SETBP1: variants seen among roughly 807,000 people sequenced by gnomAD.
SETBP1 encodes the protein SET-binding protein.
Under a neutral mutation model 101.0 loss-of-function variants are expected in SETBP1, and 9 were observed. The observed-to-expected ratio is 0.09, with a 90% confidence interval of 0.05 to 0.16. The LOEUF is 0.16. Among genes scored for constraint, SETBP1 ranks in the 10% least tolerant of loss-of-function variants. SETBP1 has a pLI of 1.00. For missense variants in SETBP1, 1,858 were observed against 2,033.8 expected (o/e 0.91, Z 1.66); for synonymous variants, 818 against 788.5 (o/e 1.04, Z -0.63).
intron 2 of SETBP1, among the ~76,000 whole-genome samples, chr18:44,748,946 T>C (rs2070323474): frequency 6.6e-6 from 1 of 152,216 alleles, no homozygotes; most frequent in African/African-American, 2.4e-5. Flanking sequence ...CAGAACACTC[T>C]GCTGGCTGTC....
intron 2 of SETBP1, among the ~76,000 whole-genome samples, chr18:44,710,623 T>C (rs912817508): frequency 6.6e-6 from 1 of 152,120 alleles, no homozygotes; most frequent in Non-Finnish European, 1.5e-5. Context: ...GGCTAACTTT[T>C]GTATTTTTAG....
At chr18:44,949,748 C>G (rs1412442226) in intron 3 of SETBP1, 133 bp from the exon 4 acceptor site, 2 of 734,458 alleles carry the variant, frequency 2.7e-6, no homozygotes, top group Non-Finnish European at 4.7e-6. Flanking sequence ...TTAAAGGTGG[C>G]TGTTCATTTC....
intron 5 of SETBP1, among the ~76,000 whole-genome samples, chr18:45,042,100 A>ATATG: frequency 6.6e-6 from 1 of 152,212 alleles, no homozygotes; most frequent in Admixed American, 6.5e-5. Flanking sequence ...ACAGCATTAA[A>ATATG]TATGGTGAGA....
chr18:44,994,314 A>G (rs2072445533), intron 4 of SETBP1, among the ~76,000 whole-genome samples: 1 of 152,224 alleles, frequency 6.6e-6, no homozygotes, highest in Admixed American at 6.5e-5. Flanking sequence ...CAGGAAAATT[A>G]CAATCAGGAA....
Position 45,038,522 on chromosome 18 carries a change from A to G in SETBP1, c.4038A>G (p.Ala1346=). ...CCCACTTAAAAGTGGACCAGACAGC[A>G]GTGCATAGTAAGAACGAAGGCTCAG... The part of the protein sequence containing the change: ...PSPHLKVDQT[A]VHSKNEGSVP... Residue 1346 remains alanine (A), a synonymous_variant, in exon 5 of 6, where the codon GCA becomes GCG. Transcript: ENST00000649279. 1 of 1,614,184 alleles carries G rather than the reference A, an allele frequency of 6.2e-7. No homozygotes were observed. The highest frequency in any genetic ancestry group is 8.5e-7 in the Non-Finnish European group (1 of 1,180,026).
intron 2 of SETBP1, among the ~76,000 whole-genome samples, chr18:44,765,396 G>A (rs2070745424): frequency 6.6e-6 from 1 of 152,172 alleles, no homozygotes; most frequent in Non-Finnish European, 1.5e-5. Flanking sequence ...CCAGCTTTAA[G>A]CAGGCATTTT....
chr18:45,051,972 C>G (rs1224522062), intron 5 of SETBP1, among the ~76,000 whole-genome samples: 2 of 152,198 alleles, frequency 1.3e-5, no homozygotes, highest in South Asian at 2.1e-4. Context: ...TTTCATGCCT[C>G]AAACACAGAC....
chr18:44,886,496 A>G (rs973275059), intron 3 of SETBP1, among the ~76,000 whole-genome samples: 7 of 151,886 alleles, frequency 4.6e-5, no homozygotes, highest in Non-Finnish European at 7.4e-5. Context: ...GATTAGATAT[A>G]TTTTTCCTAG....
At chr18:44,778,915 T>C (rs1332850863) in intron 2 of SETBP1, among the ~76,000 whole-genome samples, 3 of 110,980 alleles carry the variant, frequency 2.7e-5, no homozygotes, top group Non-Finnish European at 5.7e-5. Flanking sequence ...GTGGTGTCAC[T>C]GGGTCAGAGC....
chr18:45,060,634 C>T (rs1355127133), intron 5 of SETBP1, among the ~76,000 whole-genome samples: 3 of 152,070 alleles, frequency 2.0e-5, no homozygotes, highest in Non-Finnish European at 4.4e-5. Flanking sequence ...GGTAGATTTA[C>T]ACTATCAGAA....
intron 2 of SETBP1, among the ~76,000 whole-genome samples, chr18:44,842,485 G>A (rs928261435): frequency 1.3e-5 from 2 of 152,158 alleles, no homozygotes; most frequent in Non-Finnish European, 2.9e-5. Flanking sequence ...CTACAAGGTG[G>A]AGCAGGTGAC....
At chr18:44,739,718 T>C (rs1225955726) in intron 2 of SETBP1, among the ~76,000 whole-genome samples, 1 of 152,060 alleles carries the variant, frequency 6.6e-6, no homozygotes, top group Non-Finnish European at 1.5e-5. Context: ...TACAGAAGAG[T>C]TTGGCAATGT....
intron 2 of SETBP1, among the ~76,000 whole-genome samples, chr18:44,841,645 C>T (rs1322668526): frequency 6.6e-6 from 1 of 152,200 alleles, no homozygotes; most frequent in East Asian, 1.9e-4. Context: ...TTGATTGACT[C>T]TCAATAAGGA....
intron 3 of SETBP1, among the ~76,000 whole-genome samples, chr18:44,881,083 G>A (rs1337719489): frequency 1.3e-5 from 2 of 152,126 alleles, no homozygotes; most frequent in Non-Finnish European, 2.9e-5. Flanking sequence ...TTCTGGCCTT[G>A]GGATCATATC....
At chr18:44,844,612 C>T (rs753442647) in intron 2 of SETBP1, among the ~76,000 whole-genome samples, 6 of 152,218 alleles carry the variant, frequency 3.9e-5, no homozygotes, top group Non-Finnish European at 7.3e-5. Flanking sequence ...AGCCTCCCCT[C>T]ATCATGCCTC....
At position 44,893,930 on chromosome 18, in the gene SETBP1, A is replaced by C. The variant is rs149023671; in HGVS notation, c.540+24647A>C. ...TGCTGCCTATCTATTGTATATACCA[A>C]ACTTTGTCCATTTCTTTATGCTAAG... On this transcript the variant is annotated intron_variant, in intron 3 of 5. Coordinates refer to ENST00000649279, the MANE Select transcript of SETBP1 (RefSeq NM_015559.3). Among the ~76,000 whole-genome samples the C allele has an allele frequency of 3.3e-5, 5 of 152,156 alleles. No homozygotes were observed. The East Asian group carries it at 9.7e-4, about 29-fold the overall frequency.
chr18:45,038,158 C>A lies in SETBP1; in HGVS notation c.4001-327C>A, dbSNP rs148182909. Among the ~76,000 whole-genome samples, 108 of 152,258 alleles carry A rather than the reference C, an allele frequency of 7.1e-4. 1 individual carries two copies. In the South Asian group the frequency reaches 1.0e-2, roughly 14 times the overall value. On this transcript the variant is annotated intron_variant, in intron 4 of 5. Transcript: ENST00000649279. ...TCTGAACTCCCCTTCATGCTGCACACAGCACAGCCTCTGTAAAGATGGGAA... is the reference window on the plus strand; with the variant it reads ...TCTGAACTCCCCTTCATGCTGCACAAAGCACAGCCTCTGTAAAGATGGGAA...
rs557114714 is a variant in SETBP1, at chr18:44,768,987, G to GT, written c.486+67160dup. The stretch of plus-strand genomic sequence containing the variant: ...GTTGGGTATAACATACCTGCTTGTG[G>GT]TTTTTCTTCAGTAACAGAGGTGGGA... On this transcript the variant is annotated intron_variant, in intron 2 of 5. Coordinates refer to ENST00000649279, the MANE Select transcript of SETBP1 (RefSeq NM_015559.3). Among the ~76,000 whole-genome samples the GT allele has an allele frequency of 9.2e-5, 14 of 152,310 alleles. No homozygotes were observed. The South Asian group carries it at 2.5e-3, about 27-fold the overall frequency.
At chr18:44,836,021 T>G (rs1429394484) in intron 2 of SETBP1, among the ~76,000 whole-genome samples, 1 of 152,152 alleles carries the variant, frequency 6.6e-6, no homozygotes, top group East Asian at 1.9e-4. Context: ...ACTAATCACG[T>G]GAAGCATTTG....
Sources: allele counts gnomAD v4.1 joint callset (sites outside exome capture counted in the v4.1 genomes callset), GRCh38; gene constraint gnomAD v4.1.1; transcripts MANE v1.5; gene names NCBI Gene and HGNC (gene_info 2026-07-23, HGNC 2026-07-21).